Variants in EPC1 observed in about 807,000 individuals in gnomAD.
EPC1 encodes enhancer of polycomb homolog 1.
A neutral mutation model predicts 98.4 loss-of-function variants in EPC1; 12 were observed. That is an observed-to-expected ratio of 0.12 (90% CI 0.08 to 0.20). The LOEUF is 0.20. Among genes scored for constraint, EPC1 ranks in the 10% least tolerant of loss-of-function variants. EPC1 has a pLI of 1.00. For missense variants in EPC1, 729 were observed against 990.5 expected, an observed-to-expected ratio of 0.74 and a Z score of 3.54; for synonymous variants, 357 against 363.9, an observed-to-expected ratio of 0.98 and a Z score of 0.21.
At chr10:32,276,236 C>T (rs1006679485) in intron 10 of EPC1, among the ~76,000 whole-genome samples, 18 of 152,142 alleles carry the variant, frequency 1.2e-4, no homozygotes, top group African/African-American at 1.9e-4. Context: ...ACAGGCTGGG[C>T]GCAGTGGCAT....
At chr10:32,278,412 CG>C (rs1836222129) in intron 10 of EPC1, among the ~76,000 whole-genome samples, 1 of 113,876 alleles carries the variant, frequency 8.8e-6, no homozygotes. Flanking sequence ...GACGGAGTCT[CG>C]CTCTGTCGCC....
intron 1 of EPC1, among the ~76,000 whole-genome samples, chr10:32,355,450 AT>A (rs1839243212): frequency 6.6e-6 from 1 of 152,168 alleles, no homozygotes; most frequent in Admixed American, 6.6e-5. Context: ...ATTTGGTGGT[AT>A]TTATCTAAAC....
At chr10:32,315,635 C>A (rs1044864680) in intron 1 of EPC1, among the ~76,000 whole-genome samples, 16 of 152,176 alleles carry the variant, frequency 1.1e-4, no homozygotes, top group Admixed American at 3.3e-4. Flanking sequence ...GCTAGTTGAA[C>A]AAAAGGCCTG....
At chr10:32,308,686 T>C (rs541775256) in intron 1 of EPC1, among the ~76,000 whole-genome samples, 1 of 152,190 alleles carries the variant, frequency 6.6e-6, no homozygotes, top group African/African-American at 2.4e-5. Flanking sequence ...TTGGTGAGAA[T>C]GTAAATTAGT....
chr10:32,330,400 G>A (rs1221723527), intron 1 of EPC1, among the ~76,000 whole-genome samples: 2 of 152,176 alleles, frequency 1.3e-5, no homozygotes, highest in African/African-American at 2.4e-5. Context: ...ACATTAAGCT[G>A]AGTGGAAGGG....
At chr10:32,324,651 ATTCT>A (rs1289309773) in intron 1 of EPC1, among the ~76,000 whole-genome samples, 1 of 152,052 alleles carries the variant, frequency 6.6e-6, no homozygotes, top group Non-Finnish European at 1.5e-5. Context: ...CTTAAAAGAT[ATTCT>A]TTCTCCTACT....
upstream of EPC1, among the ~76,000 whole-genome samples, chr10:32,351,887 C>A (rs990232496): frequency 6.7e-6 from 1 of 150,018 alleles, no homozygotes; most frequent in African/African-American, 2.5e-5. Flanking sequence ...TGCGCCATCA[C>A]GCCCGGCTAA....
At chr10:32,283,217 C>G (rs1836499644) in intron 10 of EPC1, 1 of 152,242 alleles carries the variant, frequency 6.6e-6, no homozygotes, top group Non-Finnish European at 1.5e-5. Context: ...GATGACAAGA[C>G]CAACCCCTCC....
chr10:32,271,419 T>A, intron 13 of EPC1, 135 bp downstream of exon 13: 2 of 1,009,700 alleles, frequency 2.0e-6, no homozygotes, highest in Admixed American at 4.7e-5. Flanking sequence ...AAATAAGTGA[T>A]CAATTCTCAA....
At chr10:32,285,246 T>C (rs1836619013) in intron 9 of EPC1, 196 bp from the exon 10 acceptor site, 1 of 467,806 alleles carries the variant, frequency 2.1e-6, no homozygotes, top group Non-Finnish European at 3.7e-6. Flanking sequence ...TTTTAACAAA[T>C]TGTTTTTCAA....
At chr10:32,335,721 G>C (rs566582632) in intron 1 of EPC1, among the ~76,000 whole-genome samples, 7 of 152,304 alleles carry the variant, frequency 4.6e-5, no homozygotes, top group African/African-American at 1.4e-4. Flanking sequence ...TTTAATGACA[G>C]AATTTACATG....
At chr10:32,334,332 A>C (rs1411182320) in intron 1 of EPC1, among the ~76,000 whole-genome samples, 1 of 152,220 alleles carries the variant, frequency 6.6e-6, no homozygotes, top group African/African-American at 2.4e-5. Context: ...ACAGGTCAGC[A>C]GGAATTGTAC....
At chr10:32,269,524 A>G in intron 13 of EPC1, 1 of 179,252 alleles carries the variant, frequency 5.6e-6, no homozygotes, top group Non-Finnish European at 1.2e-5. Context: ...TAATACATGG[A>G]GCTGAGTGGC....
chr10:32,319,395 G>T (rs1329149150), intron 1 of EPC1, among the ~76,000 whole-genome samples: 2 of 152,182 alleles, frequency 1.3e-5, no homozygotes, highest in East Asian at 1.9e-4. Flanking sequence ...CTTATTTGTT[G>T]TAAGGGAAAT....
At chr10:32,283,553 C>A (rs1836515909) in intron 10 of EPC1, 1 of 152,238 alleles carries the variant, frequency 6.6e-6, no homozygotes, top group South Asian at 2.1e-4. Flanking sequence ...AAGCAATCTG[C>A]CCACTTTAGC....
intron 1 of EPC1, among the ~76,000 whole-genome samples, chr10:32,340,775 A>T (rs979816127): frequency 6.6e-6 from 1 of 152,128 alleles, no homozygotes; most frequent in Non-Finnish European, 1.5e-5. Flanking sequence ...AGCTGCAGTG[A>T]GCTATGATCG....
chr10:32,330,367 C>T (rs933647999), intron 1 of EPC1, among the ~76,000 whole-genome samples: 2 of 152,234 alleles, frequency 1.3e-5, no homozygotes, highest in African/African-American at 2.4e-5. Context: ...AATTTCTCCA[C>T]TGGATTCACG....
chr10:32,293,665 T>G lies in EPC1; in HGVS notation c.386A>C (p.Lys129Thr). The change falls in exon 3 of 14, where the codon AAA becomes ACA. Residue 129 changes from lysine to threonine, a missense_variant. Transcript: ENST00000319778. Reference sequence around the variant, plus strand: ...CAATGGGCAGATGTCCATTTTCTTTTTCAGTTTATTCACAAATACTTCATC... The same window carrying G: ...CAATGGGCAGATGTCCATTTTCTTTGTCAGTTTATTCACAAATACTTCATC... ...SEDEVFVNKL[K>T]KKMDICPLQF... is the part of the protein sequence containing the mutation. 6.2e-7 allele frequency: 1 copy of G among 1,613,762 alleles called. No homozygotes were observed.
At chr10:32,334,507 T>C (rs1404784671) in intron 1 of EPC1, among the ~76,000 whole-genome samples, 1 of 151,688 alleles carries the variant, frequency 6.6e-6, no homozygotes, top group African/African-American at 2.4e-5. Flanking sequence ...TATTGACTCA[T>C]ATACCACAAA....
Sources: gnomAD v4.1 joint callset for allele counts (sites outside exome capture counted in the v4.1 genomes callset) on GRCh38, gnomAD v4.1.1 for gene constraint, MANE v1.5 for transcripts, NCBI Gene and HGNC (gene_info 2026-07-23, HGNC 2026-07-21) for gene names.